Variants in TCF4 observed in about 807,000 individuals in gnomAD.
TCF4 encodes the protein transcription factor 4.
In TCF4, 3 loss-of-function variants were observed where a neutral mutation model predicts 82.1. The observed-to-expected ratio is 0.04, with a 90% CI of 0.02 to 0.09. The LOEUF is 0.09. Ranked by LOEUF, TCF4 falls within the 10% of genes least tolerant of loss-of-function variation. The probability of loss-of-function intolerance (pLI) is 1.00; values close to 1 mark genes in which losing one functional copy is unlikely to be tolerated. For missense variants in TCF4, 518 were observed against 852.7 expected (o/e 0.61, Z 4.89); for synonymous variants, 276 against 309.6 (o/e 0.89, Z 1.14).
At chr18:55,232,808 T>G in intron 16 of TCF4, 137 bp from the exon 17 acceptor site, 1 of 1,158,136 alleles carries the variant, frequency 8.6e-7, no homozygotes, top group East Asian at 2.6e-5. Context: ...CTGCTATCTG[T>G]TGAAGTTTCA....
intron 6 of TCF4, among the ~76,000 whole-genome samples, chr18:55,394,293 G>A (rs2093356546): frequency 6.6e-6 from 1 of 152,196 alleles, no homozygotes; most frequent in Non-Finnish European, 1.5e-5. Flanking sequence ...CAGAACTCTA[G>A]AGGGTGGGTC....
At position 55,423,064 on chromosome 18, in the gene TCF4, G is replaced by A. The variant is rs748119313; in HGVS notation, c.305-19546C>T. Among the ~76,000 whole-genome samples, 7 of 150,992 alleles carry A rather than the reference G, an allele frequency of 4.6e-5. No homozygotes were observed. In the South Asian group the frequency reaches 1.3e-3, roughly 27 times the overall value. ...CCCTGATGATGACAGTCCTGAGGCC[G>A]GACTTTGGGGGAAGTTGAAAAGGGC... is the stretch of plus-strand genomic sequence containing the variant. On this transcript the variant is annotated intron_variant, in intron 5 of 19. Coordinates refer to ENST00000354452, the MANE Select transcript of TCF4 (RefSeq NM_001083962.2).
intron 5 of TCF4, among the ~76,000 whole-genome samples, chr18:55,458,069 GA>G (rs553556201): frequency 0.017 from 2,454 of 145,488 alleles, 26 homozygotes; most frequent in Non-Finnish European, 0.025. Flanking sequence ...CCAAAAAAAG[GA>G]AAAAAAAAAA....
chr18:55,454,423 T>C (rs1347440991), intron 5 of TCF4, among the ~76,000 whole-genome samples: 4 of 152,166 alleles, frequency 2.6e-5, no homozygotes, highest in Non-Finnish European at 5.9e-5. Context: ...ACCCTATCTA[T>C]CTAATTCCCT....
At chr18:55,433,568 G>T (rs2095257419) in intron 5 of TCF4, among the ~76,000 whole-genome samples, 1 of 152,216 alleles carries the variant, frequency 6.6e-6, no homozygotes, top group South Asian at 2.1e-4. Context: ...CATTGATCTG[G>T]ACTGTTTTGA....
At chr18:55,427,169 C>T (rs2095025423) in intron 5 of TCF4, among the ~76,000 whole-genome samples, 1 of 152,196 alleles carries the variant, frequency 6.6e-6, no homozygotes, top group South Asian at 2.1e-4. Context: ...CTCTTCTACA[C>T]ACCCTTCCTT....
At chr18:55,579,041 C>A (rs1185760707) in intron 3 of TCF4, among the ~76,000 whole-genome samples, 2 of 151,340 alleles carry the variant, frequency 1.3e-5, no homozygotes, top group East Asian at 1.9e-4. Flanking sequence ...AACATGACAA[C>A]CTTTTCAACA....
Position 55,461,524 on chromosome 18 carries a change from T to C in TCF4, c.208-409A>G, listed in dbSNP as rs1050128206. 4.6e-5 allele frequency among the ~76,000 whole-genome samples: 7 copies of C among 152,178 alleles called. No homozygotes were observed. In the East Asian group the frequency reaches 1.3e-3, roughly 29 times the overall value. On this transcript the variant is annotated intron_variant, in intron 4 of 19. Coordinates refer to ENST00000354452, the MANE Select transcript of TCF4 (RefSeq NM_001083962.2). Reference sequence around the variant, plus strand: ...TTAGGCATAGCATGCAATGAATTGCTTTTCAAAGACCAAGATAGAGCCATT... The same window carrying C: ...TTAGGCATAGCATGCAATGAATTGCCTTTCAAAGACCAAGATAGAGCCATT...
At chr18:55,255,860 G>A (rs1456639717) in intron 14 of TCF4, among the ~76,000 whole-genome samples, 4 of 152,112 alleles carry the variant, frequency 2.6e-5, no homozygotes, top group Non-Finnish European at 4.4e-5. Flanking sequence ...ATTTTGAATC[G>A]GCTGTGCAAA....
intron 6 of TCF4, among the ~76,000 whole-genome samples, chr18:55,391,680 C>T (rs947355330): frequency 1.1e-4 from 16 of 151,894 alleles, no homozygotes; most frequent in African/African-American, 3.6e-4. Context: ...TGCCTGTAAT[C>T]CCAGCACTTT....
At chr18:55,252,729 T>C (rs563605026) in intron 15 of TCF4, among the ~76,000 whole-genome samples, 43 of 152,302 alleles carry the variant, frequency 2.8e-4, no homozygotes, top group Non-Finnish European at 5.1e-4. Context: ...ATATGCAAAA[T>C]GAACACAGCT....
chr18:55,392,161 C>T (rs528743759), intron 6 of TCF4, among the ~76,000 whole-genome samples: 2 of 150,760 alleles, frequency 1.3e-5, no homozygotes, highest in Non-Finnish European at 1.5e-5. Flanking sequence ...GATGGCATTT[C>T]GCCATGTTCG....
chr18:55,369,855 G>T (rs2088433240), intron 6 of TCF4, among the ~76,000 whole-genome samples: 1 of 152,180 alleles, frequency 6.6e-6, no homozygotes, highest in South Asian at 2.1e-4. Flanking sequence ...TTGTCAATCT[G>T]CAGAAAGGAG....
At chr18:55,296,739 A>G (rs1271312988) in intron 8 of TCF4, among the ~76,000 whole-genome samples, 1 of 152,230 alleles carries the variant, frequency 6.6e-6, no homozygotes, top group African/African-American at 2.4e-5. Flanking sequence ...CAAACCAGGT[A>G]AGAAAATGCT....
intron 4 of TCF4, among the ~76,000 whole-genome samples, chr18:55,463,848 G>A (rs1001095854): frequency 1.3e-5 from 2 of 152,016 alleles, no homozygotes; most frequent in Non-Finnish European, 2.9e-5. Flanking sequence ...CATCCAATAA[G>A]AGAATGGGGG....
Position 55,227,469 on chromosome 18 carries a change from CT to C in TCF4, c.*565del, listed in dbSNP as rs2046741989. On this transcript the variant is annotated 3_prime_UTR_variant, in exon 20 of 20. Transcript: ENST00000354452. Reference sequence around the variant, plus strand: ...CCCTAAGGAATGGCTAATGTCATCACTTCGTTGTCATCAGGACGTTTGCTGG... The same window carrying C: ...CCCTAAGGAATGGCTAATGTCATCACTCGTTGTCATCAGGACGTTTGCTGG... 1 of 151,844 alleles carries C rather than the reference CT, an allele frequency of 6.6e-6. No individual in the cohort carries two copies. The highest frequency in any genetic ancestry group is 1.5e-5 in the Non-Finnish European group (1 of 67,908). The allele number at this position is 151,844 out of a possible 1,614,324, so 9.4% of individuals were successfully genotyped here. A position where few individuals can be genotyped will look rare whatever the true frequency, so the allele number is the denominator to read the frequency against.
chr18:55,480,862 G>A (rs1195867040), intron 3 of TCF4, among the ~76,000 whole-genome samples: 2 of 152,120 alleles, frequency 1.3e-5, no homozygotes, highest in Admixed American at 6.5e-5. Context: ...CCAACACTTC[G>A]GGAGGCTGAG....
At chr18:55,529,459 G>A (rs1218908247) in intron 3 of TCF4, among the ~76,000 whole-genome samples, 1 of 152,192 alleles carries the variant, frequency 6.6e-6, no homozygotes, top group Non-Finnish European at 1.5e-5. Context: ...CAGTGAGAGA[G>A]AGAACGAGAG....
At chr18:55,521,611 A>G (rs975357735) in intron 3 of TCF4, among the ~76,000 whole-genome samples, 2 of 152,218 alleles carry the variant, frequency 1.3e-5, no homozygotes, top group Non-Finnish European at 2.9e-5. Context: ...TGACTGATAA[A>G]GGCCATGTGC....
Sources: gnomAD v4.1 joint callset for allele counts (sites outside exome capture counted in the v4.1 genomes callset) on GRCh38, gnomAD v4.1.1 for gene constraint, MANE v1.5 for transcripts, NCBI Gene and HGNC (gene_info 2026-07-23, HGNC 2026-07-21) for gene names.